RBFOX1: variants seen among roughly 807,000 people sequenced by gnomAD.
RBFOX1 encodes the protein RNA binding protein fox-1 homolog 1.
Under a neutral mutation model 57.7 loss-of-function variants are expected in RBFOX1, and 8 were observed. The ratio of observed to expected loss-of-function variants is 0.14; its 90% CI spans 0.08 to 0.25. RBFOX1 has a LOEUF of 0.25. RBFOX1 is among the 10% of genes least tolerant of loss of function. The probability of loss-of-function intolerance (pLI) is 1.00; values close to 1 mark genes in which losing one functional copy is unlikely to be tolerated. For missense variants in RBFOX1, 611 were observed against 548.5 expected (o/e 1.11, Z -1.14); for synonymous variants, 326 against 222.4 (o/e 1.47, Z -4.15).
At chr16:5,666,790 C>T (rs570046656) in intron 3 of RBFOX1, among the ~76,000 whole-genome samples, 1 of 152,316 alleles carries the variant, frequency 6.6e-6, no homozygotes, top group African/African-American at 2.4e-5. Context: ...TATGTGAAGA[C>T]ATCAGGGTAG....
rs138266682 is a variant in RBFOX1 at position 5,555,426 on chromosome 16, T to A, written c.259-43476T>A. On this transcript the variant is annotated intron_variant, in intron 2 of 2. Coordinates refer to the RBFOX1 transcript ENST00000585867. Reference sequence around the variant, plus strand: ...CCACCAGGCCTGGCAAATTTTTGTATTTTTAGTACAGACGCGGTTTCGCCA... The same window carrying A: ...CCACCAGGCCTGGCAAATTTTTGTAATTTTAGTACAGACGCGGTTTCGCCA... 9.5e-3 allele frequency among the ~76,000 whole-genome samples: 1,441 copies of A among 152,008 alleles called. 11 individuals are homozygous for A. The highest frequency in any genetic ancestry group is 0.041 in the Middle Eastern group (12 of 292).
chr16:5,573,679 C>T lies in RBFOX1; in HGVS notation c.259-25223C>T, dbSNP rs373902052. On this transcript the variant is annotated intron_variant, in intron 2 of 2. Coordinates refer to the RBFOX1 transcript ENST00000585867. Reference sequence around the variant, plus strand: ...CAAGGCTCCTCTCTAAGAAACAGACCGGCTGGACGCAGTGGCTCACACCTA... The same window carrying T: ...CAAGGCTCCTCTCTAAGAAACAGACTGGCTGGACGCAGTGGCTCACACCTA... Among the ~76,000 whole-genome samples, 45 of 152,206 alleles carry T rather than the reference C, an allele frequency of 3.0e-4. No homozygotes were observed. In the East Asian group the frequency reaches 3.3e-3, roughly 11 times the overall value.
chr16:5,599,952 A>C (rs2047310455), exon 3 of RBFOX1: 1 of 152,016 alleles, frequency 6.6e-6, no homozygotes, highest in South Asian at 2.1e-4. Flanking sequence ...GGATTGCTTG[A>C]GCTCAGGAGT....
intron 1 of RBFOX1, among the ~76,000 whole-genome samples, chr16:6,144,496 A>G (rs953817465): frequency 6.6e-6 from 1 of 152,242 alleles, no homozygotes; most frequent in African/African-American, 2.4e-5. Flanking sequence ...TCTAATTTGC[A>G]CAAGATCGGA....
intron 2 of RBFOX1, among the ~76,000 whole-genome samples, chr16:5,523,477 G>A (rs191427894): frequency 1.3e-5 from 2 of 152,030 alleles, no homozygotes; most frequent in African/African-American, 4.8e-5. Flanking sequence ...TTAGCCAGGT[G>A]TGATGGTGAG....
At chr16:6,958,251 G>A (rs924020033) in intron 3 of RBFOX1, among the ~76,000 whole-genome samples, 5 of 152,196 alleles carry the variant, frequency 3.3e-5, no homozygotes, top group Admixed American at 6.5e-5. Flanking sequence ...CGATGCAGCC[G>A]TTAGCAGGCT....
intron 2 of RBFOX1, among the ~76,000 whole-genome samples, chr16:6,410,342 C>T (rs1195677647): frequency 8.0e-6 from 1 of 124,958 alleles, no homozygotes; most frequent in Non-Finnish European, 1.6e-5. Flanking sequence ...GAGTCTTGCT[C>T]TGTTGCCCAG....
At chr16:5,293,861 A>G (rs940742217) in intron 1 of RBFOX1, among the ~76,000 whole-genome samples, 4 of 152,184 alleles carry the variant, frequency 2.6e-5, no homozygotes, top group African/African-American at 9.6e-5. Context: ...ATTGCTTAAC[A>G]TTGTGAATGT....
intron 2 of RBFOX1, among the ~76,000 whole-genome samples, chr16:5,480,013 C>G (rs994850856): frequency 3.3e-5 from 5 of 152,102 alleles, no homozygotes; most frequent in African/African-American, 1.2e-4. Flanking sequence ...TGCCTACAGG[C>G]CTGGCTTTCT....
At chr16:6,181,030 C>A in intron 1 of RBFOX1, among the ~76,000 whole-genome samples, 1 of 152,272 alleles carries the variant, frequency 6.6e-6, no homozygotes, top group East Asian at 1.9e-4. Flanking sequence ...ATTGAAATTT[C>A]AGGCCATTTT....
At chr16:6,985,038 G>C (rs2089928674) in intron 3 of RBFOX1, among the ~76,000 whole-genome samples, 1 of 143,858 alleles carries the variant, frequency 7.0e-6, no homozygotes, top group Non-Finnish European at 1.5e-5. Context: ...TTGCTGGCCA[G>C]ATCCCAATGA....
intron 4 of RBFOX1, among the ~76,000 whole-genome samples, chr16:7,280,170 C>T (rs887708233): frequency 2.6e-5 from 4 of 152,206 alleles, no homozygotes; most frequent in Non-Finnish European, 4.4e-5. Context: ...CAAAGGAAAA[C>T]ACGATGTACA....
At chr16:7,292,048 T>C (rs1273801099) in intron 4 of RBFOX1, among the ~76,000 whole-genome samples, 1 of 76,152 alleles carries the variant, frequency 1.3e-5, no homozygotes, top group African/African-American at 4.9e-5. Context: ...ATAGTATATA[T>C]TACATATTGT....
At chr16:6,688,822 G>A (rs975181681) in intron 3 of RBFOX1, among the ~76,000 whole-genome samples, 1 of 152,058 alleles carries the variant, frequency 6.6e-6, no homozygotes, top group African/African-American at 2.4e-5. Flanking sequence ...GGTGTGTGAT[G>A]TTCTCCTCCC....
chr16:5,614,264 A>G (rs2047936366), intron 3 of RBFOX1, among the ~76,000 whole-genome samples: 1 of 152,154 alleles, frequency 6.6e-6, no homozygotes, highest in South Asian at 2.1e-4. Flanking sequence ...ACAAATTTGC[A>G]CATGGACTAA....
intron 2 of RBFOX1, among the ~76,000 whole-genome samples, chr16:6,513,288 AG>A (rs2096291168): frequency 6.6e-6 from 1 of 152,198 alleles, no homozygotes; most frequent in Non-Finnish European, 1.5e-5. Flanking sequence ...TGCCTGGCAA[AG>A]GGACTGGGCT....
At chr16:6,248,818 C>T (rs2097584740) in intron 1 of RBFOX1, among the ~76,000 whole-genome samples, 1 of 152,094 alleles carries the variant, frequency 6.6e-6, no homozygotes, top group Admixed American at 6.6e-5. Flanking sequence ...GCATCCATAG[C>T]CACATGCATT....
Position 5,586,973 on chromosome 16 carries a change from T to C in RBFOX1, c.259-11929T>C, listed in dbSNP as rs114786216. On this transcript the variant is annotated intron_variant, in intron 2 of 2. Coordinates refer to the RBFOX1 transcript ENST00000585867. ...GAATTGTGTTGTCATTGAACCTTCC[T>C]GTGCTGCCCAGATGCCCTTCCCAGA... is the stretch of plus-strand genomic sequence containing the variant. Among the ~76,000 whole-genome samples, 933 of 152,320 alleles carry C rather than the reference T, an allele frequency of 6.1e-3. 8 individuals carry two copies. The highest frequency in any genetic ancestry group is 0.021 in the African/African-American group (875 of 41,562).
intron 2 of RBFOX1, among the ~76,000 whole-genome samples, chr16:5,496,513 G>T (rs1230210572): frequency 1.3e-5 from 2 of 151,912 alleles, no homozygotes; most frequent in Non-Finnish European, 2.9e-5. Flanking sequence ...CTCATCTCTC[G>T]GTCGTACTCC....
Sources: allele counts gnomAD v4.1 joint callset (sites outside exome capture counted in the v4.1 genomes callset), GRCh38; gene constraint gnomAD v4.1.1; transcripts MANE v1.5; gene names NCBI Gene and HGNC (gene_info 2026-07-23, HGNC 2026-07-21).